Variants in LRP1B observed in about 807,000 individuals in gnomAD.
The protein encoded by LRP1B is LDL receptor related protein 1B.
LRP1B carries 217 observed loss-of-function variants against 556.6 expected under a neutral mutation model. The ratio of observed to expected loss-of-function variants is 0.39; its 90% CI spans 0.35 to 0.44. The LOEUF (loss-of-function observed/expected upper bound fraction) is 0.44, where lower values mean the gene tolerates loss of function less well. Ranked by LOEUF, LRP1B falls within the 20% of genes least tolerant of loss-of-function variation. The pLI, the probability that LRP1B is intolerant of heterozygous loss-of-function variation, is 1.00. For synonymous variants in LRP1B, 2,047 were observed against 1,865.8 expected, an observed-to-expected ratio of 1.10 and a Z score of -2.50; for missense variants, 5,053 against 5,620.8, an observed-to-expected ratio of 0.90 and a Z score of 3.23.
At chr2:141,672,758 TATCCTATG>T (rs1690722322) in intron 2 of LRP1B, among the ~76,000 whole-genome samples, 1 of 152,210 alleles carries the variant, frequency 6.6e-6, no homozygotes, top group Non-Finnish European at 1.5e-5. Flanking sequence ...TTGTTCCTGT[TATCCTATG>T]ATGCACTGTA....
At chr2:141,272,295 A>G (rs1241226564) in intron 3 of LRP1B, among the ~76,000 whole-genome samples, 1 of 152,126 alleles carries the variant, frequency 6.6e-6, no homozygotes, top group African/African-American at 2.4e-5. Context: ...ATTACTTAGG[A>G]CAACTATTAA....
intron 2 of LRP1B, among the ~76,000 whole-genome samples, chr2:141,700,983 C>T (rs1691922040): frequency 6.6e-6 from 1 of 151,790 alleles, no homozygotes. Context: ...CATATCTCCT[C>T]AAGTTTCTTC....
intron 63 of LRP1B, among the ~76,000 whole-genome samples, chr2:140,448,519 C>T (rs1431860632): frequency 6.6e-6 from 1 of 152,000 alleles, no homozygotes; most frequent in South Asian, 2.1e-4. Context: ...AAGACAAATA[C>T]CACGTGATCT....
intron 2 of LRP1B, among the ~76,000 whole-genome samples, chr2:141,749,751 C>T (rs1408478339): frequency 6.6e-6 from 1 of 152,012 alleles, no homozygotes; most frequent in Non-Finnish European, 1.5e-5. Flanking sequence ...GGTCCATATA[C>T]ATATGTATGT....
At chr2:141,390,541 C>T (rs998169015) in intron 3 of LRP1B, among the ~76,000 whole-genome samples, 1 of 152,174 alleles carries the variant, frequency 6.6e-6, no homozygotes, top group Non-Finnish European at 1.5e-5. Flanking sequence ...TCTGGATGTT[C>T]TTCAATGGAT....
chr2:141,123,885 T>C (rs896409162), intron 7 of LRP1B, among the ~76,000 whole-genome samples: 1 of 152,138 alleles, frequency 6.6e-6, no homozygotes. Context: ...AATAAATGCA[T>C]TTCCTAAAAA....
intron 2 of LRP1B, among the ~76,000 whole-genome samples, chr2:141,512,990 T>C (rs150699339): frequency 1.5e-3 from 224 of 152,268 alleles, no homozygotes; most frequent in African/African-American, 5.2e-3. Flanking sequence ...ACCATCAAAA[T>C]AATTAATATT....
At chr2:141,309,346 T>G (rs752642771) in intron 3 of LRP1B, among the ~76,000 whole-genome samples, 52 of 152,264 alleles carry the variant, frequency 3.4e-4, no homozygotes, top group Non-Finnish European at 4.1e-4. Flanking sequence ...TAATTTTCTG[T>G]CTTCTCCTTC....
chr2:142,010,646 C>T (rs1158620480), intron 1 of LRP1B, among the ~76,000 whole-genome samples: 2 of 151,206 alleles, frequency 1.3e-5, no homozygotes, highest in African/African-American at 4.9e-5. Context: ...CCTCTCGTGT[C>T]TCCCAGCCAC....
chr2:141,100,061 C>T (rs1700419589), intron 7 of LRP1B, among the ~76,000 whole-genome samples: 1 of 152,160 alleles, frequency 6.6e-6, no homozygotes, highest in South Asian at 2.1e-4. Context: ...CTCTGGGAGT[C>T]TGTTTCAAGA....
At chr2:140,930,153 AC>A (rs1695009241) in intron 20 of LRP1B, among the ~76,000 whole-genome samples, 2 of 152,182 alleles carry the variant, frequency 1.3e-5, no homozygotes, top group South Asian at 4.1e-4. Flanking sequence ...TAGCCGTTGG[AC>A]TTGTCCCAAC....
At chr2:140,731,984 T>C (rs1687795327) in intron 35 of LRP1B, among the ~76,000 whole-genome samples, 1 of 152,122 alleles carries the variant, frequency 6.6e-6, no homozygotes, top group Non-Finnish European at 1.5e-5. Context: ...TTTGTAACTC[T>C]GAATACTTAA....
chr2:140,967,954 T>C (rs1558770192), intron 18 of LRP1B, among the ~76,000 whole-genome samples: 1 of 141,004 alleles, frequency 7.1e-6, no homozygotes, highest in African/African-American at 2.6e-5. Flanking sequence ...AGTATTTTAT[T>C]GAGGATTTTT....
chr2:141,250,694 C>A (rs1343745139), intron 4 of LRP1B, among the ~76,000 whole-genome samples: 4 of 152,144 alleles, frequency 2.6e-5, no homozygotes, highest in African/African-American at 4.8e-5. Context: ...CTGGAACTTG[C>A]ATCTGGTACC....
Position 141,810,339 on chromosome 2 carries a change from T to A in LRP1B, c.145A>T (p.Ser49Cys), listed in dbSNP as rs776835227. Residue 49 changes from serine to cysteine, a missense_variant, in exon 2 of 91, where the codon AGC becomes TGC. Around this residue, in one of 5 missense-constraint regions of LRP1B, gnomAD observed 3,619 missense variants for 3,931.9 expected, o/e 0.92. Transcript: ENST00000389484. ...TCAGGGTCCCCATCACACAGCCAGC[T>A]CTGGGAGACACAAGTCACGTGATCG... ...CHDHVTCVSQ[S>C]WLCDGDPDCP... 1.2e-6 allele frequency: 2 copies of A among 1,613,160 alleles called. No individual in the cohort carries two copies. The highest frequency in any genetic ancestry group is 8.5e-7 in the Non-Finnish European group (1 of 1,179,484).
rs1468487896 is a variant in LRP1B at position 140,506,934 on chromosome 2, C to T, written c.8399-16G>A. 2 of 1,610,278 alleles carry T rather than the reference C, an allele frequency of 1.2e-6. No individual in the cohort carries two copies. Among genetic ancestry groups the T allele is most frequent in the African/African-American group, 2.7e-5 (2 of 74,652 alleles). ...TTATTGGGAGCTAAGAAAGGCATCACAAAAAATAAAGTTAGATGAGCACAT... is the reference window on the plus strand; with the variant it reads ...TTATTGGGAGCTAAGAAAGGCATCATAAAAAATAAAGTTAGATGAGCACAT... On this transcript the variant is annotated splice_polypyrimidine_tract_variant and intron_variant, in intron 52 of 90. Transcript: ENST00000389484.
chr2:141,687,518 A>T (rs1194983247), intron 2 of LRP1B, among the ~76,000 whole-genome samples: 1 of 152,008 alleles, frequency 6.6e-6, no homozygotes, highest in African/African-American at 2.4e-5. Context: ...ACACTTTAGC[A>T]ATTTATTGAT....
intron 7 of LRP1B, 57 bp from the exon 8 acceptor site, chr2:141,062,330 T>C (rs2105469212): frequency 8.8e-7 from 1 of 1,133,428 alleles, no homozygotes; most frequent in Non-Finnish European, 1.3e-6. Context: ...GCACGTTTGA[T>C]GGAGCCATCT....
chr2:140,959,955 G>C (rs1349511500), intron 18 of LRP1B, among the ~76,000 whole-genome samples: 2 of 151,694 alleles, frequency 1.3e-5, no homozygotes, highest in East Asian at 3.9e-4. Flanking sequence ...CCCTGAAGTA[G>C]TAGTGAGGTT....
Sources: gnomAD v4.1 joint callset for allele counts (sites outside exome capture counted in the v4.1 genomes callset) on GRCh38, gnomAD v4.1.1 for gene constraint, gnomAD v4.1.1 regional missense constraint, MANE v1.5 for transcripts, NCBI Gene and HGNC (gene_info 2026-07-23, HGNC 2026-07-21) for gene names.